KCNIP1: variants seen among roughly 807,000 people sequenced by gnomAD.
KCNIP1 encodes the protein A-type potassium channel modulatory protein KCNIP1.
KCNIP1 carries 18 observed loss-of-function variants against 33.0 expected under a neutral mutation model. The ratio of observed to expected loss-of-function variants is 0.55; its 90% CI spans 0.38 to 0.81. The LOEUF is 0.81. KCNIP1 is among the 30% of genes least tolerant of loss of function. The pLI is 0.00. For missense variants in KCNIP1, 238 were observed against 271.6 expected (o/e 0.88, Z 0.87); for synonymous variants, 93 against 98.3 (o/e 0.95, Z 0.32).
At chr5:170,357,162 G>T (rs555529917) in intron 1 of KCNIP1, among the ~76,000 whole-genome samples, 5 of 151,804 alleles carry the variant, frequency 3.3e-5, no homozygotes, top group Non-Finnish European at 7.4e-5. Flanking sequence ...AACCACGAAT[G>T]CAGTGAGGAG....
intron 1 of KCNIP1, among the ~76,000 whole-genome samples, chr5:170,692,685 T>G (rs138820330): frequency 6.6e-6 from 1 of 152,306 alleles, no homozygotes; most frequent in Non-Finnish European, 1.5e-5. Flanking sequence ...GATTGACAAA[T>G]GTGAACACAC....
intron 5 of KCNIP1, among the ~76,000 whole-genome samples, chr5:170,730,295 T>C (rs1764151561): frequency 6.6e-6 from 1 of 152,188 alleles, no homozygotes; most frequent in Admixed American, 6.5e-5. Flanking sequence ...ATAAACTTAC[T>C]AGTGCCTACT....
chr5:170,520,803 C>T (rs1295425459), intron 1 of KCNIP1, among the ~76,000 whole-genome samples: 1 of 152,214 alleles, frequency 6.6e-6, no homozygotes, highest in South Asian at 2.1e-4. Flanking sequence ...GACACCACTT[C>T]CTTCAGGGAA....
chr5:170,617,799 TC>T (rs1759445604), intron 1 of KCNIP1, among the ~76,000 whole-genome samples: 1 of 152,184 alleles, frequency 6.6e-6, no homozygotes, highest in African/African-American at 2.4e-5. Flanking sequence ...TCTGCAGAGA[TC>T]CTCCAGGGAA....
intron 1 of KCNIP1, among the ~76,000 whole-genome samples, chr5:170,476,031 G>A (rs987582982): frequency 6.6e-6 from 1 of 151,294 alleles, no homozygotes; most frequent in Non-Finnish European, 1.5e-5. Flanking sequence ...ATGCAGTGGT[G>A]CGATCTCAGC....
chr5:170,484,457 T>C (rs189115275), intron 1 of KCNIP1, among the ~76,000 whole-genome samples: 235 of 152,268 alleles, frequency 1.5e-3, no homozygotes, highest in African/African-American at 5.0e-3. Context: ...CCATCGCACG[T>C]TGGGGAAGCT....
At chr5:170,681,143 T>C (rs1483614414) in intron 1 of KCNIP1, 2 of 399,024 alleles carry the variant, frequency 5.0e-6, no homozygotes, top group African/African-American at 4.1e-5. Context: ...CCCTGAAACT[T>C]TTGCACTACC....
chr5:170,732,353 G>C (rs1183299280), intron 5 of KCNIP1, among the ~76,000 whole-genome samples: 1 of 152,204 alleles, frequency 6.6e-6, no homozygotes, highest in African/African-American at 2.4e-5. Context: ...TCAGTCTGTG[G>C]AACTATTGGC....
At chr5:170,668,424 G>A (rs1369860368) in intron 1 of KCNIP1, among the ~76,000 whole-genome samples, 1 of 152,238 alleles carries the variant, frequency 6.6e-6, no homozygotes. Context: ...ACACAGGACA[G>A]GTGGCTTGCC....
chr5:170,602,499 G>A (rs1051427182), intron 1 of KCNIP1, among the ~76,000 whole-genome samples: 1 of 152,228 alleles, frequency 6.6e-6, no homozygotes, highest in Non-Finnish European at 1.5e-5. Flanking sequence ...TTGGAAGTGA[G>A]CATCTACCTG....
Position 170,572,391 on chromosome 5 carries a change from C to T in KCNIP1, c.61+67758C>T, listed in dbSNP as rs531762838. Among the ~76,000 whole-genome samples, 16 of 152,306 alleles carry T rather than the reference C, an allele frequency of 1.1e-4. No individual in the cohort carries two copies. In the East Asian group the frequency reaches 2.5e-3, roughly 24 times the overall value. On this transcript the variant is annotated intron_variant, in intron 1 of 7. Transcript: ENST00000328939. The stretch of plus-strand genomic sequence containing the variant: ...GGACCCCGGTGGGACCTCCAATACC[C>T]GGAATGCACCGAATGGCTGGGATTT...
At chr5:170,402,965 G>T (rs922190116) in intron 1 of KCNIP1, among the ~76,000 whole-genome samples, 8 of 152,196 alleles carry the variant, frequency 5.3e-5, no homozygotes, top group African/African-American at 1.9e-4. Context: ...TTATTAAGGG[G>T]TGCTGAATTA....
intron 1 of KCNIP1, among the ~76,000 whole-genome samples, chr5:170,717,640 G>A (rs1038788934): frequency 1.3e-5 from 2 of 152,048 alleles, no homozygotes; most frequent in African/African-American, 4.8e-5. Context: ...ACAATTTCAG[G>A]GAAAATCTGG....
intron 1 of KCNIP1, among the ~76,000 whole-genome samples, chr5:170,701,914 C>T (rs775287485): frequency 1.3e-5 from 2 of 152,218 alleles, no homozygotes; most frequent in Non-Finnish European, 2.9e-5. Context: ...ACCATCACTC[C>T]TCTCTCACTG....
chr5:170,381,555 T>C (rs1466252713), intron 1 of KCNIP1, among the ~76,000 whole-genome samples: 1 of 152,170 alleles, frequency 6.6e-6, no homozygotes, highest in Non-Finnish European at 1.5e-5. Flanking sequence ...ACCCAGCTGC[T>C]TGGCAAAAAC....
At chr5:170,576,393 A>G (rs900676073) in intron 1 of KCNIP1, among the ~76,000 whole-genome samples, 3 of 152,212 alleles carry the variant, frequency 2.0e-5, no homozygotes, top group Admixed American at 1.3e-4. Context: ...TGTAACCTCT[A>G]TCACACCCTA....
At chr5:170,602,411 G>A (rs1203298047) in intron 1 of KCNIP1, among the ~76,000 whole-genome samples, 1 of 152,256 alleles carries the variant, frequency 6.6e-6, no homozygotes, top group East Asian at 1.9e-4. Context: ...AAGAGGACGG[G>A]ATGCCTGGCT....
chr5:170,353,722 C>T, exon 1 of KCNIP1: 1 of 656,630 alleles, frequency 1.5e-6, no homozygotes, highest in South Asian at 1.9e-5. Context: ...AGACTCGCTG[C>T]AGAGGCAGCT....
intron 1 of KCNIP1, among the ~76,000 whole-genome samples, chr5:170,686,858 G>A (rs1239167093): frequency 6.6e-6 from 1 of 152,102 alleles, no homozygotes; most frequent in Non-Finnish European, 1.5e-5. Flanking sequence ...TTTCCCTCAA[G>A]GCAATATCCA....
Sources: allele counts gnomAD v4.1 joint callset (sites outside exome capture counted in the v4.1 genomes callset), GRCh38; gene constraint gnomAD v4.1.1; transcripts MANE v1.5; gene names NCBI Gene and HGNC (gene_info 2026-07-23, HGNC 2026-07-21).